AMELY: variants seen among roughly 807,000 people sequenced by gnomAD.
AMELY encodes amelogenin, Y isoform.
A neutral mutation model predicts 4.2 loss-of-function variants in AMELY; 4 were observed. The observed-to-expected ratio is 0.96, with a 90% CI of 0.47 to 2.19. The LOEUF (loss-of-function observed/expected upper bound fraction) is 2.19, where lower values mean the gene tolerates loss of function less well. Among genes scored for constraint, AMELY ranks in the 30% most tolerant of loss-of-function variants. The pLI is 0.02. For missense variants in AMELY, 32 were observed against 41.5 expected, an observed-to-expected ratio of 0.77 and a Z score of 0.63; for synonymous variants, 11 against 14.7, an observed-to-expected ratio of 0.75 and a Z score of 0.57.
chrY:6,894,954 C>T (rs2054085386), intron 1 of AMELY, among the ~76,000 whole-genome samples: 1 of 33,368 alleles, frequency 3.0e-5, no homozygotes, highest in Admixed American at 2.8e-4. Flanking sequence ...TCAAAATATT[C>T]GAGAAAATCT....
chrY:6,896,718 T>C, intron 1 of AMELY, among the ~76,000 whole-genome samples: 1 of 33,414 alleles, frequency 3.0e-5, no homozygotes, highest in Non-Finnish European at 7.3e-5. Flanking sequence ...ATGCCTGTAG[T>C]TCCAGCTACT....
intron 1 of AMELY, among the ~76,000 whole-genome samples, chrY:6,874,445 G>A (rs780790845): frequency 1.8e-4 from 6 of 33,419 alleles, no homozygotes; most frequent in Admixed American, 1.7e-3. Flanking sequence ...TCAGAAAAGC[G>A]CCAAAAGTCT....
intron 1 of AMELY, among the ~76,000 whole-genome samples, chrY:6,883,772 G>C: frequency 3.0e-5 from 1 of 32,926 alleles, no homozygotes; most frequent in Non-Finnish European, 7.4e-5. Flanking sequence ...TGTTCAAATA[G>C]GAACTTAGAG....
chrY:6,896,802 A>G, intron 1 of AMELY, among the ~76,000 whole-genome samples: 1 of 33,322 alleles, frequency 3.0e-5, no homozygotes, highest in Non-Finnish European at 7.4e-5. Context: ...GAGCAACCCA[A>G]GAGAAAAAGG....
At chrY:6,882,847 C>G (rs1603022157) in intron 1 of AMELY, among the ~76,000 whole-genome samples, 2 of 33,449 alleles carry the variant, frequency 6.0e-5, no homozygotes, top group Admixed American at 5.5e-4. Flanking sequence ...TGAAAAAAAG[C>G]TCATCATCAC....
chrY:6,885,280 C>G, intron 1 of AMELY, among the ~76,000 whole-genome samples: 1 of 33,392 alleles, frequency 3.0e-5, no homozygotes. Context: ...GAGATCGAGA[C>G]CATCCTAACA....
In AMELY at chrY:6,871,816, C is replaced by T. The variant is rs371820410; in HGVS notation, c.54+739G>A. The stretch of plus-strand genomic sequence containing the variant: ...CTACTAAAAATACAAAAAATTAGCG[C>T]GGCATGCTGGCACATTCCTGTAGTC... On this transcript the variant is annotated intron_variant, in intron 3 of 6. Transcript: ENST00000651267. 1.9e-4 allele frequency among the ~76,000 whole-genome samples: 6 copies of T among 31,274 alleles called. No homozygotes were observed. The East Asian group carries it at 5.0e-3, about 26-fold the overall frequency. The allele number at this position is 31,274 out of a possible 37,273, so 83.9% of individuals were successfully genotyped here.
chrY:6,880,421 C>T (rs2054074338), intron 1 of AMELY, among the ~76,000 whole-genome samples: 1 of 33,516 alleles, frequency 3.0e-5, no homozygotes. Flanking sequence ...TTAAATCTCA[C>T]ATATCATGCA....
At chrY:6,903,690 A>G (rs2011656418) in intron 1 of AMELY, among the ~76,000 whole-genome samples, 2 of 33,767 alleles carry the variant, frequency 5.9e-5, no homozygotes, top group African/African-American at 2.3e-4. Flanking sequence ...TTCTTTAGCC[A>G]TAAAGTGAGT....
chrY:6,885,284 C>CCTGG (rs2054078731), intron 1 of AMELY, among the ~76,000 whole-genome samples: 45 of 33,461 alleles, frequency 1.3e-3, no homozygotes, highest in South Asian at 6.1e-3. Flanking sequence ...TCGAGACCAT[C>CCTGG]CTAACACAGT....
chrY:6,872,930 A>C (rs770325742), intron 2 of AMELY, among the ~76,000 whole-genome samples: 40 of 33,377 alleles, frequency 1.2e-3, no homozygotes, highest in Admixed American at 0.011. Flanking sequence ...ATATAAGCTA[A>C]GTATAATTTT....
At chrY:6,870,540 G>T (rs2054066846) in intron 3 of AMELY, among the ~76,000 whole-genome samples, 2 of 33,815 alleles carry the variant, frequency 5.9e-5, no homozygotes, top group Non-Finnish European at 1.5e-4. Flanking sequence ...AGATCAGGAG[G>T]TGGTCAAGTA....
At chrY:6,902,103 G>A (rs759785070) in intron 1 of AMELY, among the ~76,000 whole-genome samples, 4 of 33,127 alleles carry the variant, frequency 1.2e-4, no homozygotes, top group Admixed American at 5.6e-4. Context: ...TCCTTCGTAC[G>A]ACTGGAAATG....
chrY:6,906,779 G>A (rs1603023499), intron 1 of AMELY, among the ~76,000 whole-genome samples: 1 of 29,301 alleles, frequency 3.4e-5, no homozygotes, highest in East Asian at 8.5e-4. Flanking sequence ...TTTTTTGTCC[G>A]AGATGGAGTC....
intron 1 of AMELY, among the ~76,000 whole-genome samples, chrY:6,878,998 T>C: frequency 2.9e-5 from 1 of 33,964 alleles, no homozygotes; most frequent in African/African-American, 1.1e-4. Context: ...TACATATGCA[T>C]GTGTCTTTAT....
chrY:6,889,889 G>A, intron 1 of AMELY, among the ~76,000 whole-genome samples: 1 of 32,056 alleles, frequency 3.1e-5, no homozygotes, highest in Non-Finnish European at 7.6e-5. Flanking sequence ...GTACACTAAG[G>A]TGGGAACATG....
intron 2 of AMELY, among the ~76,000 whole-genome samples, chrY:6,873,768 T>C: frequency 3.1e-5 from 1 of 32,136 alleles, no homozygotes; most frequent in Admixed American, 2.9e-4. Flanking sequence ...TAAATACACA[T>C]ATAGACAAAT....
chrY:6,871,858 C>G (rs1603021532), intron 3 of AMELY, among the ~76,000 whole-genome samples: 1 of 31,738 alleles, frequency 3.2e-5, no homozygotes, highest in South Asian at 7.4e-4. Context: ...ACTCAGGAGG[C>G]TGAGGCAGGA....
At chrY:6,894,485 T>A (rs2054085163) in intron 1 of AMELY, among the ~76,000 whole-genome samples, 4 of 33,663 alleles carry the variant, frequency 1.2e-4, no homozygotes, top group African/African-American at 4.7e-4. Context: ...CAGTCTCTTA[T>A]CGGGCACCTA....
Sources: allele counts gnomAD v4.1 joint callset (sites outside exome capture counted in the v4.1 genomes callset), GRCh38; gene constraint gnomAD v4.1.1; transcripts MANE v1.5; gene names NCBI Gene and HGNC (gene_info 2026-07-23, HGNC 2026-07-21).